Variants in EFR3A observed in about 807,000 individuals in gnomAD.
EFR3A encodes the protein EFR3 homolog A.
EFR3A carries 76 observed loss-of-function variants against 104.4 expected under a neutral mutation model. The ratio of observed to expected loss-of-function variants is 0.73; its 90% CI spans 0.60 to 0.88. EFR3A has a LOEUF of 0.88. Among genes scored for constraint, EFR3A ranks in the 40% least tolerant of loss-of-function variants. EFR3A has a pLI of 0.00. For synonymous variants in EFR3A, 330 were observed against 330.0 expected (o/e 1.00, Z 0.00); for missense variants, 985 against 1,012.5 (o/e 0.97, Z 0.37).
intron 18 of EFR3A, among the ~76,000 whole-genome samples, chr8:131,990,507 T>C (rs913184159): frequency 1.3e-5 from 2 of 152,184 alleles, no homozygotes; most frequent in African/African-American, 4.8e-5. Context: ...TGAATTAATA[T>C]AGAGTAACAA....
chr8:131,963,041 A>T (rs918406654), intron 8 of EFR3A, among the ~76,000 whole-genome samples: 11 of 152,234 alleles, frequency 7.2e-5, no homozygotes, highest in African/African-American at 2.7e-4. Flanking sequence ...GACACAACAT[A>T]CCAGAATCTC....
intron 18 of EFR3A, among the ~76,000 whole-genome samples, chr8:131,995,753 T>G (rs889274641): frequency 3.3e-5 from 5 of 152,152 alleles, no homozygotes; most frequent in African/African-American, 1.2e-4. Flanking sequence ...TACAAATGAA[T>G]TGGGGGCACA....
chr8:131,940,518 C>G lies in EFR3A; in HGVS notation c.30C>G (p.Ser10=), dbSNP rs201173397. The change falls in exon 2 of 23, where the codon TCC becomes TCG. Residue 10 remains serine (S), a synonymous_variant. Coordinates refer to ENST00000254624, the MANE Select transcript of EFR3A (RefSeq NM_015137.6). MPTRVCCCC[S]ALRPRYKRLV... ...TAACAGGAGTATGCTGCTGCTGTTC[C>G]GCTTTGCGTCCTCGCTACAAACGCC... The G allele has an allele frequency of 1.2e-6, 2 of 1,604,734 alleles. No individual in the cohort carries two copies. The highest frequency in any genetic ancestry group is 1.7e-6 in the Non-Finnish European group (2 of 1,176,056).
intron 22 of EFR3A, among the ~76,000 whole-genome samples, chr8:132,009,625 T>C (rs1049202604): frequency 6.6e-6 from 1 of 152,074 alleles, no homozygotes; most frequent in African/African-American, 2.4e-5. Context: ...TGAGTTGATC[T>C]CATTTGGACA....
intron 1 of EFR3A, among the ~76,000 whole-genome samples, chr8:131,919,017 T>C (rs1816870703): frequency 6.6e-6 from 1 of 152,204 alleles, no homozygotes; most frequent in South Asian, 2.1e-4. Flanking sequence ...CTAATATTTT[T>C]TGATTTAGGG....
Position 132,010,407 on chromosome 8 carries a change from GATATATATATAT to G in EFR3A, c.2361-351_2361-340del, listed in dbSNP as rs66644698. Among the ~76,000 whole-genome samples, 100 of 81,884 alleles carry G rather than the reference GATATATATATAT, an allele frequency of 1.2e-3. 1 individual carries two copies. Among genetic ancestry groups the G allele is most frequent in the African/African-American group, 2.2e-3 (45 of 20,394 alleles). The allele number at this position is 81,884 out of a possible 152,430, so 53.7% of individuals were successfully genotyped here. A position where few individuals can be genotyped will look rare whatever the true frequency, so the allele number is the denominator to read the frequency against. On this transcript the variant is annotated intron_variant, in intron 22 of 22. Coordinates refer to ENST00000254624, the MANE Select transcript of EFR3A (RefSeq NM_015137.6). ...GTTCTCTGGATTAAATCAAGTATGA[GATATATATATAT>G]ATATATATATATATATATATATATA...
intron 8 of EFR3A, among the ~76,000 whole-genome samples, chr8:131,964,783 G>A (rs1199505210): frequency 3.3e-5 from 5 of 152,166 alleles, no homozygotes; most frequent in Admixed American, 1.3e-4. Flanking sequence ...AAAGAACAAA[G>A]CTGGAGTCAT....
chr8:131,948,265 C>T (rs1018200652), intron 4 of EFR3A, among the ~76,000 whole-genome samples: 22 of 152,122 alleles, frequency 1.4e-4, no homozygotes, highest in Non-Finnish European at 2.8e-4. Context: ...CGCTTTCTAG[C>T]TGTATACCTT....
intron 4 of EFR3A, 47 bp downstream of exon 4, chr8:131,946,680 C>A: frequency 7.0e-7 from 1 of 1,435,054 alleles, no homozygotes; most frequent in Admixed American, 2.7e-5. Flanking sequence ...ATTAGCATAT[C>A]TAGAATTAAT....
intron 1 of EFR3A, among the ~76,000 whole-genome samples, chr8:131,921,934 C>T (rs973530461): frequency 1.3e-5 from 2 of 152,080 alleles, no homozygotes; most frequent in African/African-American, 4.8e-5. Context: ...CTAGGGCTAC[C>T]GTAACAAGGT....
chr8:131,973,270 G>A (rs1209878341), intron 10 of EFR3A, among the ~76,000 whole-genome samples: 3 of 151,634 alleles, frequency 2.0e-5, no homozygotes, highest in Admixed American at 1.3e-4. Context: ...AGTGAACCTC[G>A]CTTCTGTGGT....
At chr8:131,981,303 A>G (rs554171644) in intron 14 of EFR3A, among the ~76,000 whole-genome samples, 1 of 152,150 alleles carries the variant, frequency 6.6e-6, no homozygotes, top group East Asian at 1.9e-4. Flanking sequence ...CTGTAATTTA[A>G]CGGCAAGATT....
intron 5 of EFR3A, among the ~76,000 whole-genome samples, chr8:131,952,616 G>A (rs1419428364): frequency 6.6e-6 from 1 of 152,128 alleles, no homozygotes; most frequent in African/African-American, 2.4e-5. Context: ...GGCACCTTGT[G>A]TAGGAATGTT....
chr8:131,954,493 T>C (rs1818875116), intron 6 of EFR3A, among the ~76,000 whole-genome samples: 1 of 151,918 alleles, frequency 6.6e-6, no homozygotes, highest in African/African-American at 2.4e-5. Context: ...TATAGGCTTA[T>C]TTTTTCTTTT....
intron 2 of EFR3A, among the ~76,000 whole-genome samples, chr8:131,941,872 G>C (rs555938298): frequency 6.6e-6 from 1 of 152,068 alleles, no homozygotes; most frequent in Non-Finnish European, 1.5e-5. Context: ...TTGAAGCCTA[G>C]AGCAAGTTAT....
At chr8:131,965,504 C>T (rs1422685501) in intron 8 of EFR3A, among the ~76,000 whole-genome samples, 2 of 152,214 alleles carry the variant, frequency 1.3e-5, no homozygotes, top group Non-Finnish European at 2.9e-5. Context: ...ATCAAAACCA[C>T]AATGAGATAC....
chr8:131,919,710 A>T lies in EFR3A; in HGVS notation c.10+15388A>T, dbSNP rs536413824. On this transcript the variant is annotated intron_variant, in intron 1 of 22. Coordinates refer to ENST00000254624, the MANE Select transcript of EFR3A (RefSeq NM_015137.6). ...TGGACAGATACTTTTAACAAATGTG[A>T]ATTTTCAGATGCTCCATCTTTTCTT... Among the ~76,000 whole-genome samples the T allele has an allele frequency of 1.4e-4, 22 of 152,042 alleles. No individual in the cohort carries two copies. In the South Asian group the frequency reaches 4.3e-3, roughly 30 times the overall value.
chr8:131,908,688 G>T (rs1816371464), intron 1 of EFR3A, among the ~76,000 whole-genome samples: 1 of 152,112 alleles, frequency 6.6e-6, no homozygotes, highest in African/African-American at 2.4e-5. Context: ...GACCTCTTAA[G>T]TCCCAGCTCT....
At chr8:131,954,565 GA>G (rs974627101) in intron 6 of EFR3A, among the ~76,000 whole-genome samples, 2 of 151,024 alleles carry the variant, frequency 1.3e-5, no homozygotes, top group African/African-American at 4.9e-5. Context: ...TCAAATACTA[GA>G]AGCATGCTTA....
Sources: gnomAD v4.1 joint callset for allele counts (sites outside exome capture counted in the v4.1 genomes callset) on GRCh38, gnomAD v4.1.1 for gene constraint, MANE v1.5 for transcripts, NCBI Gene and HGNC (gene_info 2026-07-23, HGNC 2026-07-21) for gene names.